The following C11orf65 variants were observed in gnomAD, a reference collection of about 807,000 sequenced individuals.
C11orf65 encodes the protein protein MFI.
A neutral mutation model predicts 35.3 loss-of-function variants in C11orf65; 38 were observed. The ratio of observed to expected loss-of-function variants is 1.08; its 90% CI spans 0.83 to 1.41. The LOEUF is 1.41. C11orf65 is among the 40% of genes most tolerant of loss of function. The pLI is 0.00. For synonymous variants in C11orf65, 105 were observed against 114.4 expected, an observed-to-expected ratio of 0.92 and a Z score of 0.53; for missense variants, 370 against 367.1, an observed-to-expected ratio of 1.01 and a Z score of -0.06.
At chr11:108,363,116 C>T (rs974321573) in intron 2 of C11orf65, among the ~76,000 whole-genome samples, 12 of 152,160 alleles carry the variant, frequency 7.9e-5, no homozygotes, top group Non-Finnish European at 5.9e-5. Context: ...GAATAATTTT[C>T]CCAGTGATCT....
intron 2 of C11orf65, among the ~76,000 whole-genome samples, chr11:108,341,606 A>C (rs2087589226): frequency 6.6e-6 from 1 of 152,212 alleles, no homozygotes; most frequent in African/African-American, 2.4e-5. Context: ...CTTAAAATTT[A>C]AAAATGTATA....
intron 2 of C11orf65, among the ~76,000 whole-genome samples, chr11:108,455,422 A>G (rs1011024659): frequency 1.3e-4 from 20 of 152,328 alleles, no homozygotes; most frequent in African/African-American, 4.1e-4. Flanking sequence ...ACAAAAATCA[A>G]TGGTGTTTCT....
At chr11:108,393,173 G>T in intron 7 of C11orf65, 35 bp downstream of exon 7, 1 of 1,567,592 alleles carries the variant, frequency 6.4e-7, no homozygotes, top group Non-Finnish European at 8.7e-7. Flanking sequence ...TATGATGACT[G>T]CCCTTGTTCC....
At chr11:108,385,896 A>G in intron 8 of C11orf65, 24 bp downstream of exon 8, 2 of 1,603,372 alleles carry the variant, frequency 1.2e-6, no homozygotes, top group African/African-American at 1.3e-5. Context: ...AATTTCCTAT[A>G]AAGTACTGCT....
At chr11:108,327,513 G>A (rs1229282893), downstream of C11orf65, 2 of 683,588 alleles carry the variant, frequency 2.9e-6, no homozygotes, top group Non-Finnish European at 5.2e-6. Context: ...AAAAGCAGAT[G>A]AGGAAAAACT....
At chr11:108,353,834 A>G (rs371530553) in intron 2 of C11orf65, 1 of 1,614,094 alleles carries the variant, frequency 6.2e-7, no homozygotes, top group East Asian at 2.2e-5. Flanking sequence ...CACCAGAGAT[A>G]TTGTGGATGG....
At position 108,393,238 on chromosome 11, in the gene C11orf65, A is replaced by T; in HGVS notation, c.701T>A (p.Leu234Gln). Residue 234 changes from leucine to glutamine, a missense_variant, in exon 7 of 9, where the codon CTG becomes CAG. Leu to Gln is a moderately radical substitution (Grantham distance 113). Coordinates refer to ENST00000393084, the MANE Select transcript of C11orf65 (RefSeq NM_152587.5). Reference sequence around the variant, plus strand: ...AAAGTTCAGTGTATTTGTCCAGTTCAGCACTTCATCCACTTCCCATTCCAT... The same window carrying T: ...AAAGTTCAGTGTATTTGTCCAGTTCTGCACTTCATCCACTTCCCATTCCAT... ...SVMEWEVDEV[L>Q]NWTNTLNFDE... 6.2e-7 allele frequency: 1 copy of T among 1,614,090 alleles called. No homozygotes were observed. Among genetic ancestry groups the T allele is most frequent in the Non-Finnish European group, 8.5e-7 (1 of 1,179,986 alleles).
intron 2 of C11orf65, among the ~76,000 whole-genome samples, chr11:108,433,300 G>A (rs900870948): frequency 2.1e-4 from 31 of 150,134 alleles, no homozygotes; most frequent in Non-Finnish European, 1.2e-4. Flanking sequence ...TATATATGCC[G>A]GGCTCAGTGG....
At chr11:108,365,898 G>A (rs967000350) in intron 2 of C11orf65, 5 of 204,236 alleles carry the variant, frequency 2.4e-5, no homozygotes, top group Admixed American at 1.1e-4. Context: ...GCATGGTGGC[G>A]GGCACCTGTA....
At chr11:108,428,856 A>G (rs552285170) in intron 3 of C11orf65, among the ~76,000 whole-genome samples, 7 of 152,206 alleles carry the variant, frequency 4.6e-5, no homozygotes, top group Non-Finnish European at 8.8e-5. Flanking sequence ...AAACAAAACA[A>G]AAAACACCAG....
At chr11:108,372,947 G>T (rs1464472979) in intron 2 of C11orf65, among the ~76,000 whole-genome samples, 3 of 152,064 alleles carry the variant, frequency 2.0e-5, no homozygotes, top group African/African-American at 7.2e-5. Context: ...GGGTGTAGTG[G>T]CACATGCTTG....
chr11:108,436,756 G>A (rs2093065031), intron 2 of C11orf65, among the ~76,000 whole-genome samples: 1 of 152,010 alleles, frequency 6.6e-6, no homozygotes, highest in South Asian at 2.1e-4. Flanking sequence ...GAGTAGAAAC[G>A]GTAACACTAT....
At chr11:108,365,694 C>T in intron 2 of C11orf65, 1 of 744,246 alleles carries the variant, frequency 1.3e-6, no homozygotes, top group Non-Finnish European at 2.1e-6. Context: ...TCTTAAGGAA[C>T]ATCTCTGCTT....
At chr11:108,414,488 A>C (rs181320561) in intron 3 of C11orf65, among the ~76,000 whole-genome samples, 1 of 152,210 alleles carries the variant, frequency 6.6e-6, no homozygotes, top group East Asian at 1.9e-4. Context: ...AATTCCCTAA[A>C]GACATAATCT....
chr11:108,332,646 T>A (rs2086386310), intron 3 of C11orf65: 1 of 1,118,888 alleles, frequency 8.9e-7, no homozygotes, highest in Admixed American at 2.2e-5. Context: ...GGAATTATAA[T>A]CATTCCATTG....
At chr11:108,412,706 C>T (rs777062291) in intron 3 of C11orf65, among the ~76,000 whole-genome samples, 5 of 151,954 alleles carry the variant, frequency 3.3e-5, no homozygotes, top group Non-Finnish European at 7.4e-5. Flanking sequence ...CACTGCACTC[C>T]AATCTGGACA....
chr11:108,440,976 A>G (rs572167081), intron 2 of C11orf65, among the ~76,000 whole-genome samples: 33 of 152,292 alleles, frequency 2.2e-4, no homozygotes, highest in African/African-American at 7.7e-4. Context: ...GGGGCTTGTC[A>G]GACAGTGGGT....
At chr11:108,459,245 T>C (rs547188209) in intron 2 of C11orf65, among the ~76,000 whole-genome samples, 2 of 152,098 alleles carry the variant, frequency 1.3e-5, no homozygotes, top group African/African-American at 4.8e-5. Context: ...TTTTCATTTT[T>C]CATTTTTTTT....
At chr11:108,382,636 G>A (rs1490405809), downstream of C11orf65, 1 of 273,700 alleles carries the variant, frequency 3.7e-6, no homozygotes, top group African/African-American at 2.3e-5. Flanking sequence ...AAACGTGGGA[G>A]AGGGGATTTA....
Sources: gnomAD v4.1 joint callset for allele counts (sites outside exome capture counted in the v4.1 genomes callset) on GRCh38, gnomAD v4.1.1 for gene constraint, MANE v1.5 for transcripts, NCBI Gene and HGNC (gene_info 2026-07-23, HGNC 2026-07-21) for gene names.